Variants in CCDC30 observed in about 807,000 individuals in gnomAD.
The protein encoded by CCDC30 is coiled-coil domain containing 30, also known as coiled-coil domain-containing protein 30.
CCDC30 carries 70 observed loss-of-function variants against 100.2 expected under a neutral mutation model. The ratio of observed to expected loss-of-function variants is 0.70; its 90% CI spans 0.58 to 0.85. The LOEUF (loss-of-function observed/expected upper bound fraction) is 0.85, where lower values mean the gene tolerates loss of function less well. CCDC30 is among the 40% of genes least tolerant of loss of function. The pLI is 0.00. For missense variants in CCDC30, 652 were observed against 771.2 expected (o/e 0.85, Z 1.83); for synonymous variants, 233 against 269.5 (o/e 0.86, Z 1.33).
chr1:42,547,073 G>C (rs1044800614), intron 6 of CCDC30, among the ~76,000 whole-genome samples: 42 of 152,266 alleles, frequency 2.8e-4, no homozygotes, highest in African/African-American at 9.9e-4. Flanking sequence ...CTTAAAAGTT[G>C]CTTTAACTTT....
rs370022336 is a variant in CCDC30, at chr1:42,539,322, T to C, written c.457-26974T>C. The C allele has an allele frequency of 7.9e-5, 126 of 1,588,456 alleles. 3 individuals are homozygous for C. Among genetic ancestry groups the C allele is most frequent in the East Asian group, 5.9e-4 (26 of 44,158 alleles). ...AATTAGAAACAAAGGTGAGACTGAG[T>C]TAGGTATTTAAATGTTCAATATTTA... On this transcript the variant is annotated intron_variant, in intron 6 of 16. Transcript: ENST00000668663.
At chr1:42,527,667 A>G (rs976990415) in intron 6 of CCDC30, among the ~76,000 whole-genome samples, 1 of 152,176 alleles carries the variant, frequency 6.6e-6, no homozygotes, top group Non-Finnish European at 1.5e-5. Context: ...TTCAAACAAA[A>G]CATAAAGAAA....
In CCDC30 at chr1:42,520,585, C is replaced by T. The variant is rs142885205; in HGVS notation, c.456+21669C>T. 1.2e-3 allele frequency among the ~76,000 whole-genome samples: 173 copies of T among 150,152 alleles called. 1 individual carries two copies. The highest frequency in any genetic ancestry group is 3.8e-3 in the African/African-American group (155 of 40,814). On this transcript the variant is annotated intron_variant, in intron 6 of 16. Coordinates refer to ENST00000668663, the Ensembl canonical transcript of CCDC30. The stretch of plus-strand genomic sequence containing the variant: ...GACCTCGTGATCTGCCCATCTCGGC[C>T]TCTCAAAGTGCTAAGATTACAGGCA...
intron 6 of CCDC30, among the ~76,000 whole-genome samples, chr1:42,523,470 A>T (rs1464873127): frequency 6.6e-6 from 1 of 151,888 alleles, no homozygotes; most frequent in Non-Finnish European, 1.5e-5. Flanking sequence ...CTCATTGAGG[A>T]TTCCTTGTGT....
chr1:42,597,327 T>C (rs1415148282), intron 10 of CCDC30, among the ~76,000 whole-genome samples: 2 of 151,922 alleles, frequency 1.3e-5, no homozygotes, highest in East Asian at 3.9e-4. Context: ...TCAGAGAACA[T>C]CAAGCAGGAT....
chr1:42,486,799 C>T (rs1644057890), intron 3 of CCDC30, among the ~76,000 whole-genome samples: 1 of 152,184 alleles, frequency 6.6e-6, no homozygotes, highest in Admixed American at 6.5e-5. Context: ...CTTGGGAACT[C>T]CTGACACTCA....
chr1:42,556,445 C>G, intron 6 of CCDC30, 40 bp downstream of exon 10: 1 of 1,538,704 alleles, frequency 6.5e-7, no homozygotes, highest in Non-Finnish European at 8.7e-7. Context: ...GGTTCGTTTC[C>G]TCTGATTGGC....
intron 11 of CCDC30, among the ~76,000 whole-genome samples, chr1:42,631,768 C>T (rs1647042568): frequency 6.6e-6 from 1 of 152,172 alleles, no homozygotes; most frequent in South Asian, 2.1e-4. Context: ...CCATCACAGG[C>T]CCATGGAGAG....
chr1:42,538,598 C>T (rs977901435), intron 6 of CCDC30, among the ~76,000 whole-genome samples: 56 of 151,926 alleles, frequency 3.7e-4, no homozygotes, highest in African/African-American at 1.2e-3. Flanking sequence ...ATAGCGAGAC[C>T]GCATCAATAT....
chr1:42,476,410 G>C (rs189313096), intron 1 of CCDC30, among the ~76,000 whole-genome samples: 1 of 152,244 alleles, frequency 6.6e-6, no homozygotes, highest in East Asian at 1.9e-4. Context: ...TTCTATATTT[G>C]TGTAGGTACA....
intron 7 of CCDC30, among the ~76,000 whole-genome samples, chr1:42,567,091 G>C (rs568804872): frequency 6.6e-6 from 1 of 152,020 alleles, no homozygotes; most frequent in African/African-American, 2.4e-5. Context: ...TCTATTGAAG[G>C]TTCTAAAATT....
chr1:42,519,442 A>T (rs112198957), intron 6 of CCDC30, among the ~76,000 whole-genome samples: 16 of 152,290 alleles, frequency 1.1e-4, no homozygotes, highest in Admixed American at 2.6e-4. Context: ...GATTTTACTT[A>T]CTGATTCATT....
intron 6 of CCDC30, among the ~76,000 whole-genome samples, chr1:42,559,563 G>A (rs906972424): frequency 2.0e-5 from 3 of 152,178 alleles, no homozygotes; most frequent in African/African-American, 7.2e-5. Context: ...TTACAAAATG[G>A]TAAAGGGAAC....
At chr1:42,652,006 A>T (rs115142455) in intron 15 of CCDC30, among the ~76,000 whole-genome samples, 9,347 of 152,302 alleles carry the variant, frequency 0.061, 355 homozygotes, top group South Asian at 0.1. Context: ...ACAAAGTGAA[A>T]ATAGAACTAC....
downstream of CCDC30, among the ~76,000 whole-genome samples, chr1:42,656,622 T>A (rs1648669879): frequency 1.3e-5 from 2 of 152,210 alleles, no homozygotes; most frequent in Non-Finnish European, 1.5e-5. Context: ...AAAGTGAGAC[T>A]CTGTCTCAAA....
chr1:42,548,112 G>T (rs148606119), intron 6 of CCDC30, among the ~76,000 whole-genome samples: 98 of 152,328 alleles, frequency 6.4e-4, no homozygotes, highest in African/African-American at 2.2e-3. Context: ...AGCATGGAGT[G>T]TGAAGAGAGG....
At chr1:42,507,935 A>C (rs1644420350) in intron 6 of CCDC30, among the ~76,000 whole-genome samples, 1 of 152,242 alleles carries the variant, frequency 6.6e-6, no homozygotes, top group African/African-American at 2.4e-5. Flanking sequence ...CACATTAACT[A>C]AGAAGCATTA....
chr1:42,572,992 A>G (rs1645763627), intron 7 of CCDC30, among the ~76,000 whole-genome samples: 1 of 152,190 alleles, frequency 6.6e-6, no homozygotes, highest in African/African-American at 2.4e-5. Flanking sequence ...ATACTATGCT[A>G]TCATGATTAT....
chr1:42,498,884 G>C, exon 6 of CCDC30: 1 of 1,233,882 alleles, frequency 8.1e-7, no homozygotes, highest in Non-Finnish European at 1.0e-6. Context: ...CCACTCCCCT[G>C]GAAAAACTGT....
Sources: gnomAD v4.1 joint callset for allele counts (sites outside exome capture counted in the v4.1 genomes callset) on GRCh38, gnomAD v4.1.1 for gene constraint, MANE v1.5 for transcripts, NCBI Gene and HGNC (gene_info 2026-07-23, HGNC 2026-07-21) for gene names.